Variants in RGS7 observed in about 807,000 individuals in gnomAD.
RGS7 encodes the protein regulator of G protein signaling 7, also known as regulator of G-protein signaling 7.
In RGS7, 27 loss-of-function variants were observed where a neutral mutation model predicts 81.1. That is an observed-to-expected ratio of 0.33 (90% CI 0.25 to 0.46). The LOEUF (loss-of-function observed/expected upper bound fraction) is 0.46. Ranked by LOEUF, RGS7 falls within the 20% of genes least tolerant of loss-of-function variation. The pLI is 1.00. For synonymous variants in RGS7, 208 were observed against 207.7 expected (o/e 1.00, Z -0.01); for missense variants, 396 against 607.4 (o/e 0.65, Z 3.66).
chr1:241,159,269 C>T (rs2069433903), intron 2 of RGS7, among the ~76,000 whole-genome samples: 1 of 152,128 alleles, frequency 6.6e-6, no homozygotes, highest in South Asian at 2.1e-4. Flanking sequence ...CTACATTACA[C>T]ACCCAATTTC....
intron 2 of RGS7, among the ~76,000 whole-genome samples, chr1:241,229,299 C>T (rs999256412): frequency 2.6e-5 from 4 of 152,190 alleles, no homozygotes; most frequent in Admixed American, 2.6e-4. Flanking sequence ...GCAGCTAGAA[C>T]ACCTCTCAGA....
At chr1:241,194,905 C>T (rs2072951204) in intron 2 of RGS7, among the ~76,000 whole-genome samples, 1 of 152,164 alleles carries the variant, frequency 6.6e-6, no homozygotes, top group Non-Finnish European at 1.5e-5. Context: ...AATGAAAAAT[C>T]CTTGGATAAA....
chr1:241,025,718 T>C (rs1485302781), intron 3 of RGS7, among the ~76,000 whole-genome samples: 5 of 151,706 alleles, frequency 3.3e-5, no homozygotes, highest in Non-Finnish European at 1.5e-5. Flanking sequence ...TAATGAAGGA[T>C]ATTACAGTTC....
intron 2 of RGS7, among the ~76,000 whole-genome samples, chr1:241,207,133 T>TA (rs1296984849): frequency 1.3e-5 from 2 of 151,462 alleles, no homozygotes; most frequent in African/African-American, 4.8e-5. Context: ...CACGCCCGGC[T>TA]AATTTTTGTA....
In RGS7 at chr1:240,868,882, T is replaced by C. The variant is rs111371604; in HGVS notation, c.451-30A>G. ...AAAACATACCCCAGGTGAAGACATT[T>C]GGTGTTCATTGTCACTGCTCTCTTC... On this transcript the variant is annotated intron_variant, in intron 7 of 18. Coordinates refer to ENST00000440928, the MANE Select transcript of RGS7 (RefSeq NM_001364886.1). The surrounding 1 kb of genome is among the most constrained non-coding windows in gnomAD (Gnocchi z 5.1). 2.9e-3 allele frequency: 4,586 copies of C among 1,592,226 alleles called. 85 individuals carry two copies. The African/African-American group carries it at 0.045, about 16-fold the overall frequency.
In RGS7 at chr1:240,800,590, A is replaced by G. The variant is rs536444059; in HGVS notation, c.*6+51T>C. 1,575 of 1,177,052 alleles carry G rather than the reference A, an allele frequency of 1.3e-3. 3 individuals carry two copies. The highest frequency in any genetic ancestry group is 1.8e-3 in the Non-Finnish European group (1,458 of 820,808). The allele number at this position is 1,177,052 out of a possible 1,614,324, so 72.9% of individuals were successfully genotyped here. A position where few individuals can be genotyped will look rare whatever the true frequency, so the allele number is the denominator to read the frequency against. On this transcript the variant is annotated intron_variant, in intron 18 of 18. Transcript: ENST00000440928. Reference sequence around the variant, plus strand: ...ACAGCAGCATGGAGCTAAACCACACAACTCAACAGACAATGCAGACAAACT... The same window carrying G: ...ACAGCAGCATGGAGCTAAACCACACGACTCAACAGACAATGCAGACAAACT...
chr1:241,005,285 C>T (rs994701435), intron 3 of RGS7, among the ~76,000 whole-genome samples: 2 of 152,146 alleles, frequency 1.3e-5, no homozygotes, highest in Non-Finnish European at 2.9e-5. Flanking sequence ...TACAGTTTTG[C>T]ACAGATTATA....
chr1:240,819,424 G>A (rs1188478965), intron 10 of RGS7, among the ~76,000 whole-genome samples: 2 of 152,240 alleles, frequency 1.3e-5, no homozygotes, highest in East Asian at 1.9e-4. Context: ...CAACATTTAT[G>A]CATTTCCTGT....
chr1:240,983,528 C>T (rs1305086886), intron 3 of RGS7, among the ~76,000 whole-genome samples: 1 of 152,094 alleles, frequency 6.6e-6, no homozygotes, highest in Non-Finnish European at 1.5e-5. Context: ...TCCTTGTATC[C>T]CCTCTCAAGT....
chr1:240,882,618 T>C (rs774422116), intron 6 of RGS7, among the ~76,000 whole-genome samples: 1 of 152,126 alleles, frequency 6.6e-6, no homozygotes, highest in Non-Finnish European at 1.5e-5. Context: ...GCAGTGGCAA[T>C]GAAGGAGACA....
At chr1:241,114,027 T>C (rs2065714873) in intron 2 of RGS7, among the ~76,000 whole-genome samples, 1 of 152,216 alleles carries the variant, frequency 6.6e-6, no homozygotes, top group Admixed American at 6.5e-5. Context: ...TTAATCACTG[T>C]ATCCTGAATA....
At chr1:240,864,662 G>C (rs1662895215) in intron 9 of RGS7, among the ~76,000 whole-genome samples, 1 of 152,264 alleles carries the variant, frequency 6.6e-6, no homozygotes, top group Admixed American at 6.5e-5. Flanking sequence ...CAAAAATAAA[G>C]GGTACTAAGA....
intron 2 of RGS7, among the ~76,000 whole-genome samples, chr1:241,174,895 G>GTTTTTTTTTT (rs551122102): frequency 3.0e-4 from 21 of 69,234 alleles, no homozygotes; most frequent in East Asian, 1.0e-3. Context: ...ACAGAATTTT[G>GTTTTTTTTTT]TTTTTTTTTT....
intron 3 of RGS7, among the ~76,000 whole-genome samples, chr1:241,091,547 C>CAATAAATA (rs371664255): frequency 0.015 from 1,916 of 129,146 alleles, 16 homozygotes; most frequent in East Asian, 0.023. Context: ...GACTCTGTCT[C>CAATAAATA]AATAAATAAA....
chr1:241,084,311 G>C (rs2063311645), intron 3 of RGS7, among the ~76,000 whole-genome samples: 1 of 152,166 alleles, frequency 6.6e-6, no homozygotes. Flanking sequence ...ATACTGCTCA[G>C]TTTTCATATA....
chr1:241,044,578 T>C (rs1023134427), intron 3 of RGS7, among the ~76,000 whole-genome samples: 7 of 152,050 alleles, frequency 4.6e-5, no homozygotes, highest in Non-Finnish European at 7.4e-5. Context: ...TATGCCACCA[T>C]GCTCAGCTAA....
intron 3 of RGS7, among the ~76,000 whole-genome samples, chr1:241,036,791 C>T (rs2060352800): frequency 6.6e-6 from 1 of 152,110 alleles, no homozygotes; most frequent in African/African-American, 2.4e-5. Flanking sequence ...TTAGATGGGG[C>T]CACATGACTG....
intron 4 of RGS7, among the ~76,000 whole-genome samples, chr1:240,957,377 T>C (rs547307770): frequency 6.6e-6 from 1 of 152,292 alleles, no homozygotes; most frequent in Non-Finnish European, 1.5e-5. Context: ...TTTTGAGGCT[T>C]TGTGACTCCG....
intron 6 of RGS7, among the ~76,000 whole-genome samples, chr1:240,905,950 C>T (rs937569482): frequency 1.2e-4 from 19 of 152,144 alleles, no homozygotes; most frequent in African/African-American, 3.9e-4. Context: ...ATGTGAAATT[C>T]ACCAGTGAAA....
Sources: allele counts gnomAD v4.1 joint callset (sites outside exome capture counted in the v4.1 genomes callset), GRCh38; gene constraint gnomAD v4.1.1; non-coding constraint Gnocchi (gnomAD v3.1); transcripts MANE v1.5; gene names NCBI Gene and HGNC (gene_info 2026-07-23, HGNC 2026-07-21).